The following LIMS2 variants were observed in gnomAD, a reference collection of about 807,000 sequenced individuals.
LIMS2 encodes the protein LIM zinc finger domain containing 2.
LIMS2 carries 30 observed loss-of-function variants against 45.3 expected under a neutral mutation model. The ratio of observed to expected loss-of-function variants is 0.66; its 90% CI spans 0.50 to 0.90. The LOEUF (loss-of-function observed/expected upper bound fraction) is 0.90. Ranked by LOEUF, LIMS2 falls within the 40% of genes least tolerant of loss-of-function variation. LIMS2 has a pLI of 0.00. For missense variants in LIMS2, 485 were observed against 468.7 expected (o/e 1.03, Z -0.32); for synonymous variants, 173 against 188.0 (o/e 0.92, Z 0.65).
At chr2:127,674,037 G>GA in intron 1 of LIMS2, 3 of 400,732 alleles carry the variant, frequency 7.5e-6, no homozygotes, top group South Asian at 6.9e-5. Context: ...TTGGTTCCTG[G>GA]GCTGCCCTGA....
chr2:127,655,365 G>T (rs556217980), intron 2 of LIMS2: 11 of 199,688 alleles, frequency 5.5e-5, no homozygotes, highest in African/African-American at 2.6e-4. Context: ...TGGGCACGGG[G>T]AAGTGGGAAG....
chr2:127,640,299 T>C lies in LIMS2; in HGVS notation c.773A>G (p.Tyr258Cys). 2 of 1,613,100 alleles carry C rather than the reference T, an allele frequency of 1.2e-6. No individual in the cohort carries two copies. Among genetic ancestry groups the C allele is most frequent in the South Asian group, 1.1e-5 (1 of 91,050 alleles). The change falls in exon 8 of 10, where the codon TAC (tyrosine) becomes TGC (cysteine). Residue 258 changes from tyrosine (Y) to cysteine (C), a missense_variant. By Grantham distance (194) the Tyr-to-Cys change is radical (BLOSUM62 -2). Transcript: ENST00000355119. ...GCCTTCAATCACATGGCTGCAGTTG[T>C]AGCAGACGTCCCCGAAGAGCTGTGG... is the stretch of plus-strand genomic sequence containing the variant. ...HYNQLFGDVC[Y>C]NCSHVIEGDV...
chr2:127,646,594 ACTGCCACCACCTGGCCATGGCG>A (rs951935816), intron 4 of LIMS2: 3 of 152,350 alleles, frequency 2.0e-5, no homozygotes, highest in African/African-American at 7.3e-5. Flanking sequence ...TGCAAAGGAA[ACTGCCACCACCTGGCCATGGCG>A]CTGCCACCAC....
intron 7 of LIMS2, 63 bp from the exon 8 acceptor site, chr2:127,640,381 T>A: frequency 6.4e-7 from 1 of 1,559,170 alleles, no homozygotes; most frequent in South Asian, 1.1e-5. Context: ...AGGGCCATCA[T>A]GCAGCCAGCC....
At chr2:127,656,410 T>C (rs1436933777) in intron 2 of LIMS2, among the ~76,000 whole-genome samples, 1 of 148,730 alleles carries the variant, frequency 6.7e-6, no homozygotes, top group African/African-American at 2.5e-5. Flanking sequence ...CTTTTTTTTT[T>C]CTTTCTTTTT....
In LIMS2 at chr2:127,664,537, C is replaced by A; in HGVS notation, c.12-6975G>T. On this transcript the variant is annotated intron_variant, in intron 1 of 9. Transcript: ENST00000355119. This position sits in a 1 kb window ranked among gnomAD's most constrained non-coding sequence, Gnocchi z 5.5. ...GCCTCCCCCGCGCTGGTCGCGAGCT[C>A]ACGTTACGCGCTGGGATCTCCAAAG... The A allele has an allele frequency of 8.7e-7, 1 of 1,151,884 alleles. No homozygotes were observed. Among genetic ancestry groups the A allele is most frequent in the Non-Finnish European group, 1.1e-6 (1 of 937,136 alleles). The allele number at this position is 1,151,884 out of a possible 1,614,324, so 71.4% of individuals were successfully genotyped here.
chr2:127,680,532 C>A (rs900169992), intron 1 of LIMS2, among the ~76,000 whole-genome samples: 5 of 152,182 alleles, frequency 3.3e-5, no homozygotes, highest in African/African-American at 9.6e-5. Flanking sequence ...ACCCTCTGAC[C>A]AGCACAAAAT....
chr2:127,665,030 T>C (rs1227246225), intron 1 of LIMS2, among the ~76,000 whole-genome samples: 1 of 152,138 alleles, frequency 6.6e-6, no homozygotes. Context: ...ATCCTCCAGC[T>C]TCCAGGGGAG....
chr2:127,670,219 G>A (rs997944917), intron 1 of LIMS2, among the ~76,000 whole-genome samples: 3 of 152,080 alleles, frequency 2.0e-5, no homozygotes, highest in Non-Finnish European at 4.4e-5. Flanking sequence ...GCCAAAAAGT[G>A]GAAACAATGC....
Position 127,669,119 on chromosome 2 carries a change from T to C in LIMS2, c.11+5895A>G, listed in dbSNP as rs141927197. Reference sequence around the variant, plus strand: ...AGAGTCCAAAAATAATCCCATATATTTGTGGTCAACTGATTTTTGACAAGA... The same window carrying C: ...AGAGTCCAAAAATAATCCCATATATCTGTGGTCAACTGATTTTTGACAAGA... On this transcript the variant is annotated intron_variant, in intron 1 of 9. Transcript: ENST00000355119. Among the ~76,000 whole-genome samples, 22 of 152,134 alleles carry C rather than the reference T, an allele frequency of 1.4e-4. No individual in the cohort carries two copies. In the East Asian group the frequency reaches 1.9e-3, roughly 13 times the overall value.
chr2:127,648,733 G>A (rs1338807879), intron 4 of LIMS2, among the ~76,000 whole-genome samples: 1 of 151,838 alleles, frequency 6.6e-6, no homozygotes, highest in Non-Finnish European at 1.5e-5. Context: ...ACCAGCCTGG[G>A]CAACATGGCA....
chr2:127,657,228 C>G (rs923278173), intron 2 of LIMS2, among the ~76,000 whole-genome samples, 175 bp downstream of exon 2: 4 of 152,256 alleles, frequency 2.6e-5, no homozygotes, highest in Non-Finnish European at 5.9e-5. Flanking sequence ...ACCTGGGGTG[C>G]TGTTCACATC....
intron 2 of LIMS2, chr2:127,655,298 C>G: frequency 3.9e-6 from 1 of 254,480 alleles, no homozygotes; most frequent in South Asian, 4.7e-5. Flanking sequence ...CCAGCTCTCT[C>G]AGAGGCCATG....
intron 4 of LIMS2, chr2:127,650,697 G>A (rs1443483952): frequency 5.7e-6 from 9 of 1,570,362 alleles, no homozygotes; most frequent in Non-Finnish European, 6.1e-6. Context: ...ATTGTGAACT[G>A]TTTGCTTGTT....
At chr2:127,641,486 G>C (rs558800104) in intron 6 of LIMS2, 2 of 172,962 alleles carry the variant, frequency 1.2e-5, no homozygotes, top group Non-Finnish European at 2.5e-5. Context: ...CTGGGGGCTG[G>C]GGCCTGCATC....
chr2:127,641,955 G>T, intron 6 of LIMS2, 94 bp downstream of exon 6: 1 of 1,418,272 alleles, frequency 7.1e-7, no homozygotes, highest in Non-Finnish European at 9.5e-7. Context: ...ACCCGCCCTG[G>T]GCTGGGAGTG....
At chr2:127,658,570 T>C (rs1684414313) in intron 1 of LIMS2, among the ~76,000 whole-genome samples, 1 of 152,102 alleles carries the variant, frequency 6.6e-6, no homozygotes, top group South Asian at 2.1e-4. Flanking sequence ...AGGCCCGCAA[T>C]CAGTCCAGCC....
chr2:127,641,824 C>A (rs1215491975), intron 6 of LIMS2: 2 of 503,396 alleles, frequency 4.0e-6, no homozygotes, highest in Non-Finnish European at 7.1e-6. Context: ...GAGAGGTGGG[C>A]ACAGCTACCC....
At position 127,653,538 on chromosome 2, in the gene LIMS2, G is replaced by A. The variant is rs542905647; in HGVS notation, c.359+886C>T. 5.1e-4 allele frequency among the ~76,000 whole-genome samples: 78 copies of A among 152,286 alleles called. No homozygotes were observed. The highest frequency in any genetic ancestry group is 1.6e-3 in the African/African-American group (65 of 41,550). ...GTCTGCAAGGGCAGCCATGAGGGCC[G>A]GGCACGGAGCCCCAGACGACTCCCC... On this transcript the variant is annotated intron_variant, in intron 4 of 9. Coordinates refer to ENST00000355119, the MANE Select transcript of LIMS2 (RefSeq NM_001161403.3). The surrounding 1 kb of genome is among the most constrained non-coding windows in gnomAD (Gnocchi z 5.3).
Sources: gnomAD v4.1 joint callset for allele counts (sites outside exome capture counted in the v4.1 genomes callset) on GRCh38, gnomAD v4.1.1 for gene constraint, Gnocchi (gnomAD v3.1) non-coding constraint, MANE v1.5 for transcripts, NCBI Gene and HGNC (gene_info 2026-07-23, HGNC 2026-07-21) for gene names.